The following SEMA5A variants were observed in gnomAD, a reference collection of about 807,000 sequenced individuals.
SEMA5A encodes the protein semaphorin 5A.
A neutral mutation model predicts 135.5 loss-of-function variants in SEMA5A; 55 were observed. The observed-to-expected ratio is 0.41, with a 90% CI of 0.33 to 0.51. The LOEUF is 0.51. SEMA5A is among the 20% of genes least tolerant of loss of function. The pLI, the probability that SEMA5A is intolerant of heterozygous loss-of-function variation, is 0.37. For synonymous variants in SEMA5A, 580 were observed against 546.5 expected (o/e 1.06, Z -0.85); for missense variants, 1,290 against 1,419.9 (o/e 0.91, Z 1.47).
intron 11 of SEMA5A, 136 bp downstream of exon 11, chr5:9,190,131 A>G (rs1301657790): frequency 1.3e-6 from 1 of 773,400 alleles, no homozygotes; most frequent in Non-Finnish European, 2.1e-6. Flanking sequence ...ATAAGTGAGC[A>G]TCGCGGGTTT....
At chr5:9,143,295 G>C (rs2150234231) in intron 12 of SEMA5A, among the ~76,000 whole-genome samples, 1 of 152,200 alleles carries the variant, frequency 6.6e-6, no homozygotes, top group African/African-American at 2.4e-5. Flanking sequence ...ACTAAGTCCA[G>C]CAATAATTCA....
chr5:9,483,990 C>T (rs116505180), intron 1 of SEMA5A, among the ~76,000 whole-genome samples: 1,850 of 152,228 alleles, frequency 0.012, 26 homozygotes, highest in Middle Eastern at 0.024. Flanking sequence ...ACCAGACAGG[C>T]GCTGGGAGCT....
At chr5:9,314,451 T>C (rs1192383748) in intron 5 of SEMA5A, among the ~76,000 whole-genome samples, 1 of 152,098 alleles carries the variant, frequency 6.6e-6, no homozygotes, top group Non-Finnish European at 1.5e-5. Context: ...TTTGGATATA[T>C]TGAGGTAGTA....
chr5:9,170,444 A>G (rs973465571), intron 11 of SEMA5A, among the ~76,000 whole-genome samples: 3 of 152,172 alleles, frequency 2.0e-5, no homozygotes, highest in Non-Finnish European at 2.9e-5. Flanking sequence ...AATGAGAGAC[A>G]GGACATGCAT....
chr5:9,132,735 C>T (rs983288277), intron 13 of SEMA5A, among the ~76,000 whole-genome samples: 1 of 152,176 alleles, frequency 6.6e-6, no homozygotes, highest in African/African-American at 2.4e-5. Context: ...GGGTCACACA[C>T]AAGAGGGTCT....
chr5:9,273,193 C>A (rs1000439144), intron 5 of SEMA5A, among the ~76,000 whole-genome samples: 13 of 151,948 alleles, frequency 8.6e-5, no homozygotes, highest in Non-Finnish European at 1.3e-4. Context: ...GTGAAGCATA[C>A]ACAAGTATCA....
At chr5:9,162,278 A>T (rs72741930) in intron 11 of SEMA5A, among the ~76,000 whole-genome samples, 13,623 of 151,962 alleles carry the variant, frequency 0.09, 731 homozygotes, top group South Asian at 0.14. Context: ...TAATCCACAT[A>T]TTAAAGCAAG....
intron 5 of SEMA5A, among the ~76,000 whole-genome samples, chr5:9,264,668 G>A (rs1027335244): frequency 2.6e-5 from 4 of 152,000 alleles, no homozygotes; most frequent in African/African-American, 9.7e-5. Context: ...CTCCCACCCT[G>A]AGGTCACCAG....
In SEMA5A at chr5:9,136,632, A is replaced by AGAAATGGT. The variant is rs781570747; in HGVS notation, c.1482-12_1482-11insACCATTTC. The stretch of plus-strand genomic sequence containing the variant: ...GCCCCAATGCAGGTGCTGGAAACAC[A>AGAAATGGT]CACCAAATGGTCAACAGAAAGGTCG... On this transcript the variant is annotated splice_polypyrimidine_tract_variant and intron_variant, in intron 12 of 22. Coordinates refer to ENST00000382496, the MANE Select transcript of SEMA5A (RefSeq NM_003966.3). The AGAAATGGT allele has an allele frequency of 9.4e-4, 1,508 of 1,605,356 alleles. 2 individuals carry two copies. Among genetic ancestry groups the AGAAATGGT allele is most frequent in the Admixed American group, 1.2e-3 (70 of 60,018 alleles).
chr5:9,464,089 G>T (rs1349564400), intron 1 of SEMA5A, among the ~76,000 whole-genome samples: 1 of 152,056 alleles, frequency 6.6e-6, no homozygotes, highest in Admixed American at 6.6e-5. Context: ...AGCGTTCCTG[G>T]TCTCTACCCA....
intron 1 of SEMA5A, among the ~76,000 whole-genome samples, chr5:9,504,072 AG>A (rs1258004856): frequency 6.6e-6 from 1 of 151,514 alleles, no homozygotes; most frequent in East Asian, 1.9e-4. Flanking sequence ...AAAATTAGCC[AG>A]GCATGGTGGC....
intron 17 of SEMA5A, among the ~76,000 whole-genome samples, chr5:9,065,851 A>G (rs917411246): frequency 6.6e-6 from 1 of 152,252 alleles, no homozygotes; most frequent in Non-Finnish European, 1.5e-5. Context: ...GGCCAGGCAG[A>G]GGCCAGATCT....
chr5:9,222,816 A>C (rs1747080874), intron 8 of SEMA5A, among the ~76,000 whole-genome samples: 1 of 152,216 alleles, frequency 6.6e-6, no homozygotes, highest in Non-Finnish European at 1.5e-5. Context: ...ACCGATACTG[A>C]CCACCTGATC....
intron 1 of SEMA5A, among the ~76,000 whole-genome samples, chr5:9,454,753 G>C (rs1758768138): frequency 6.6e-6 from 1 of 152,122 alleles, no homozygotes; most frequent in Non-Finnish European, 1.5e-5. Flanking sequence ...ATAATCTTAA[G>C]AACTATAACC....
chr5:9,363,605 C>T (rs984823370), intron 3 of SEMA5A, among the ~76,000 whole-genome samples: 1 of 152,288 alleles, frequency 6.6e-6, no homozygotes, highest in Non-Finnish European at 1.5e-5. Context: ...AATTACACAT[C>T]CTTTGGGAGA....
chr5:9,450,230 G>A (rs1201306666), intron 1 of SEMA5A, among the ~76,000 whole-genome samples: 1 of 152,192 alleles, frequency 6.6e-6, no homozygotes, highest in Non-Finnish European at 1.5e-5. Flanking sequence ...ACACAGTCAA[G>A]TGGGGAGAAC....
intron 1 of SEMA5A, among the ~76,000 whole-genome samples, chr5:9,532,313 T>A (rs1033570392): frequency 7.9e-5 from 12 of 152,094 alleles, no homozygotes; most frequent in African/African-American, 2.9e-4. Context: ...TCGCCCAGGC[T>A]GGAGTACAAT....
At chr5:9,403,417 A>G (rs969815048) in intron 2 of SEMA5A, among the ~76,000 whole-genome samples, 7 of 152,030 alleles carry the variant, frequency 4.6e-5, no homozygotes, top group African/African-American at 1.2e-4. Context: ...CAGCTCCTCC[A>G]CTAGGCACCC....
chr5:9,284,716 G>A (rs1341763609), intron 5 of SEMA5A, among the ~76,000 whole-genome samples: 6 of 152,144 alleles, frequency 3.9e-5, no homozygotes, highest in Non-Finnish European at 7.4e-5. Context: ...GACCTAAGAT[G>A]TTTTTGTATA....
Sources: allele counts gnomAD v4.1 joint callset (sites outside exome capture counted in the v4.1 genomes callset), GRCh38; gene constraint gnomAD v4.1.1; transcripts MANE v1.5; gene names NCBI Gene and HGNC (gene_info 2026-07-23, HGNC 2026-07-21).